WNT7B: variants seen among roughly 807,000 people sequenced by gnomAD.
WNT7B encodes the protein protein Wnt-7b.
WNT7B carries 19 observed loss-of-function variants against 38.2 expected under a neutral mutation model. The ratio of observed to expected loss-of-function variants is 0.50; its 90% CI spans 0.35 to 0.73. WNT7B has a LOEUF of 0.73. Ranked by LOEUF, WNT7B falls within the 30% of genes least tolerant of loss-of-function variation. The probability of loss-of-function intolerance (pLI) is 0.01; values close to 1 mark genes in which losing one functional copy is unlikely to be tolerated. For synonymous variants in WNT7B, 243 were observed against 209.3 expected (o/e 1.16, Z -1.39); for missense variants, 423 against 507.9 (o/e 0.83, Z 1.61).
At chr22:45,948,142 C>A (rs1284366654) in intron 2 of WNT7B, among the ~76,000 whole-genome samples, 1 of 152,254 alleles carries the variant, frequency 6.6e-6, no homozygotes, top group South Asian at 2.1e-4. Flanking sequence ...TCCACCACAA[C>A]TCCCCGGGGG....
At chr22:45,935,688 C>T (rs142740633) in intron 2 of WNT7B, among the ~76,000 whole-genome samples, 55 of 152,350 alleles carry the variant, frequency 3.6e-4, no homozygotes, top group Admixed American at 1.4e-3. Context: ...AAATCCCATG[C>T]ATGAGCAGGT....
Position 45,922,757 on chromosome 22 carries a change from A to G in WNT7B, c.*99T>C, listed in dbSNP as rs11544454. The G allele has an allele frequency of 9.7e-3, 14,694 of 1,517,316 alleles. 93 individuals are homozygous for G. Among genetic ancestry groups the G allele is most frequent in the Non-Finnish European group, 0.012 (13,187 of 1,131,796 alleles). The allele number at this position is 1,517,316 out of a possible 1,614,324, so 94.0% of individuals were successfully genotyped here. On this transcript the variant is annotated 3_prime_UTR_variant, in exon 4 of 4. Transcript: ENST00000339464. ...GAGCTCCCCGCTTCTGCACCCGTCT[A>G]TGTCTGCTGCTGGCAGCACCAAGGC...
intron 1 of WNT7B, among the ~76,000 whole-genome samples, chr22:45,952,742 G>A (rs1931963061): frequency 6.6e-6 from 1 of 152,192 alleles, no homozygotes; most frequent in African/African-American, 2.4e-5. Context: ...ATGGATCACT[G>A]CCATGGCCAA....
intron 3 of WNT7B, among the ~76,000 whole-genome samples, chr22:45,928,112 G>A (rs1216392748): frequency 6.6e-6 from 1 of 152,188 alleles, no homozygotes; most frequent in Admixed American, 6.5e-5. Flanking sequence ...AGAGAGAACA[G>A]GTGTCCTTTG....
intron 2 of WNT7B, among the ~76,000 whole-genome samples, chr22:45,946,204 C>G (rs573002544): frequency 2.0e-5 from 3 of 152,340 alleles, no homozygotes; most frequent in South Asian, 4.1e-4. Flanking sequence ...TCCAGCCTCT[C>G]CTGTTAGCCC....
In WNT7B at chr22:45,953,731, A is replaced by C. The variant is rs536197654; in HGVS notation, c.72-3585T>G. On this transcript the variant is annotated intron_variant, in intron 1 of 3. Transcript: ENST00000339464. ...CTAGGATGGCTATGATTTAAAAAAA[A>C]AAAAAAAAAGAAGAAGAAGAAGAAA... Among the ~76,000 whole-genome samples, 3 of 151,902 alleles carry C rather than the reference A, an allele frequency of 2.0e-5. No individual in the cohort carries two copies. The East Asian group carries it at 5.8e-4, about 29-fold the overall frequency.
chr22:45,958,243 G>T (rs537345566), intron 1 of WNT7B, among the ~76,000 whole-genome samples: 4 of 152,232 alleles, frequency 2.6e-5, no homozygotes, highest in Non-Finnish European at 4.4e-5. Flanking sequence ...CACCGTCTCT[G>T]CCAAGGCCCA....
At chr22:45,937,488 T>C (rs1569114786) in intron 2 of WNT7B, among the ~76,000 whole-genome samples, 1 of 152,204 alleles carries the variant, frequency 6.6e-6, no homozygotes, top group Non-Finnish European at 1.5e-5. Context: ...CTGAGCTTCA[T>C]GCCTGTAGGT....
chr22:45,948,025 A>G (rs1931836994), intron 2 of WNT7B, among the ~76,000 whole-genome samples: 1 of 152,180 alleles, frequency 6.6e-6, no homozygotes, highest in Non-Finnish European at 1.5e-5. Flanking sequence ...CCAAGCTCCC[A>G]GCCCTCTGTC....
At chr22:45,944,047 C>T (rs755453371) in intron 2 of WNT7B, among the ~76,000 whole-genome samples, 3 of 152,170 alleles carry the variant, frequency 2.0e-5, no homozygotes, top group Non-Finnish European at 4.4e-5. Context: ...GCCCCCACCT[C>T]GGCCCCTCAT....
intron 3 of WNT7B, among the ~76,000 whole-genome samples, chr22:45,928,893 G>T (rs1931190401): frequency 6.6e-6 from 1 of 151,912 alleles, no homozygotes; most frequent in African/African-American, 2.4e-5. Flanking sequence ...GGTTCCCCAT[G>T]CCTTTACCTG....
chr22:45,941,509 C>CAA (rs1166391533), intron 2 of WNT7B, among the ~76,000 whole-genome samples: 1,365 of 79,226 alleles, frequency 0.017, 19 homozygotes, highest in African/African-American at 0.046. Context: ...GCCTTTGTCT[C>CAA]AAAAAAAAAA....
chr22:45,927,896 A>G (rs113591777), intron 3 of WNT7B, among the ~76,000 whole-genome samples: 1 of 152,142 alleles, frequency 6.6e-6, no homozygotes, highest in Non-Finnish European at 1.5e-5. Context: ...ACTCCATCTC[A>G]AAACAAAGAG....
In WNT7B at chr22:45,921,614, C is replaced by T. The variant is rs1404742052; in HGVS notation, c.*1242G>A. 1.3e-5 allele frequency: 2 copies of T among 152,214 alleles called. No individual in the cohort carries two copies. Among genetic ancestry groups the T allele is most frequent in the South Asian group, 2.1e-4 (1 of 4,828 alleles). The allele number at this position is 152,214 out of a possible 1,614,324, so 9.4% of individuals were successfully genotyped here. A position where few individuals can be genotyped will look rare whatever the true frequency, so the allele number is the denominator to read the frequency against. On this transcript the variant is annotated 3_prime_UTR_variant, in exon 4 of 4. Coordinates refer to ENST00000339464, the MANE Select transcript of WNT7B (RefSeq NM_058238.3). Reference sequence around the variant, plus strand: ...CTCACCACCTGCCTGACCCCCGCGGCAGCACTGTCCCAGGGGTCAGGCTGG... The same window carrying T: ...CTCACCACCTGCCTGACCCCCGCGGTAGCACTGTCCCAGGGGTCAGGCTGG...
intron 1 of WNT7B, among the ~76,000 whole-genome samples, chr22:45,960,681 A>C (rs1246259501): frequency 1.3e-5 from 2 of 152,216 alleles, no homozygotes; most frequent in African/African-American, 2.4e-5. Context: ...TATCTGAAGA[A>C]TGTTCCAATT....
chr22:45,923,310 T>G lies in WNT7B; in HGVS notation c.596A>C (p.Glu199Ala), dbSNP rs1187825014. Residue 199 changes from glutamate (E) to alanine (A), a missense_variant, in exon 4 of 4, where the codon GAG becomes GCG. This residue lies in a region of WNT7B where 132 missense variants were observed against 113.4 expected (regional missense o/e 1.16). Coordinates refer to ENST00000339464, the MANE Select transcript of WNT7B (RefSeq NM_058238.3). ...RKVLEDRMQL[E>A]CKCHGVSGSC... ...GCCAGACACGCCGTGGCACTTGCAC[T>G]CCAGCTGCATCCGGTCCTCTAGAAC... 1 of 1,608,612 alleles carries G rather than the reference T, an allele frequency of 6.2e-7. No homozygotes were observed. The highest frequency in any genetic ancestry group is 8.5e-7 in the Non-Finnish European group (1 of 1,176,550).
intron 2 of WNT7B, among the ~76,000 whole-genome samples, chr22:45,948,126 C>T (rs1295932372): frequency 6.6e-6 from 1 of 152,236 alleles, no homozygotes; most frequent in Non-Finnish European, 1.5e-5. Context: ...CTGATCGACG[C>T]TCAGCTCCAC....
At position 45,965,299 on chromosome 22, in the gene WNT7B, G is replaced by A. The variant is rs540357686; in HGVS notation, c.71+11385C>T. 6.6e-6 allele frequency among the ~76,000 whole-genome samples: 1 copy of A among 152,210 alleles called. No individual in the cohort carries two copies. Among genetic ancestry groups the A allele is most frequent in the Non-Finnish European group, 1.5e-5 (1 of 68,036 alleles). ...TCATCACAGATGGCTTAGAGCTCCT[G>A]CTGTGGGTCCCACAGGGCTTTGTGT... On this transcript the variant is annotated intron_variant, in intron 1 of 3. Transcript: ENST00000339464. This position sits in a 1 kb window ranked among gnomAD's most constrained non-coding sequence, Gnocchi z 6.5.
chr22:45,931,254 C>T lies in WNT7B; in HGVS notation c.414G>A (p.Gln138=), dbSNP rs752248336. The T allele has an allele frequency of 6.3e-6, 10 of 1,598,942 alleles. No individual in the cohort carries two copies. Among genetic ancestry groups the T allele is most frequent in the South Asian group, 5.5e-5 (5 of 91,082 alleles). ...LSNCGCDREK[Q]GYYNQAEGWK... ...AGCCCTCGGCTTGGTTGTAGTAGCC[C>T]TGCTTCTCGCGGTCGCAGCCGCAGT... The change falls in exon 3 of 4, where the codon CAG becomes CAA. Residue 138 remains glutamine, a synonymous_variant. Coordinates refer to ENST00000339464, the MANE Select transcript of WNT7B (RefSeq NM_058238.3).
Sources: allele counts gnomAD v4.1 joint callset (sites outside exome capture counted in the v4.1 genomes callset), GRCh38; gene constraint gnomAD v4.1.1; regional missense constraint gnomAD v4.1.1; non-coding constraint Gnocchi (gnomAD v3.1); transcripts MANE v1.5; gene names NCBI Gene and HGNC (gene_info 2026-07-23, HGNC 2026-07-21).